FGF12: variants seen among roughly 807,000 people sequenced by gnomAD.
FGF12 encodes the protein fibroblast growth factor 12B.
FGF12 carries 14 observed loss-of-function variants against 23.6 expected under a neutral mutation model. The ratio of observed to expected loss-of-function variants is 0.59; its 90% confidence interval spans 0.39 to 0.93. FGF12 has a LOEUF of 0.93. Ranked by LOEUF, FGF12 falls within the 40% of genes least tolerant of loss-of-function variation. The probability of loss-of-function intolerance (pLI) is 0.00; values close to 1 mark genes in which losing one functional copy is unlikely to be tolerated. For missense variants in FGF12, 175 were observed against 217.8 expected (o/e 0.80, Z 1.24); for synonymous variants, 62 against 77.3 (o/e 0.80, Z 1.04).
chr3:192,239,597 C>T (rs1034358841), intron 4 of FGF12, among the ~76,000 whole-genome samples: 2 of 152,194 alleles, frequency 1.3e-5, no homozygotes, highest in Non-Finnish European at 2.9e-5. Context: ...ACTGCCTGAG[C>T]TCTGCCTCTT....
At chr3:192,362,171 C>G (rs1444952588) in intron 2 of FGF12, among the ~76,000 whole-genome samples, 1 of 152,112 alleles carries the variant, frequency 6.6e-6, no homozygotes, top group African/African-American at 2.4e-5. Flanking sequence ...ATAGGCTCAT[C>G]TAATCCCACA....
At chr3:192,349,112 T>C (rs1428127390) in intron 3 of FGF12, among the ~76,000 whole-genome samples, 6 of 152,152 alleles carry the variant, frequency 3.9e-5, no homozygotes, top group Non-Finnish European at 5.9e-5. Flanking sequence ...TTATAATTTA[T>C]ACCTTATTTA....
intron 2 of FGF12, chr3:192,515,117 C>A (rs545128242): frequency 4.6e-5 from 7 of 152,408 alleles, no homozygotes; most frequent in African/African-American, 1.7e-4. Flanking sequence ...GTCCTTGGCA[C>A]CTCCCCTGCT....
At chr3:192,230,012 T>G (rs1718941423) in intron 4 of FGF12, among the ~76,000 whole-genome samples, 1 of 152,146 alleles carries the variant, frequency 6.6e-6, no homozygotes, top group African/African-American at 2.4e-5. Context: ...CGGAGCTTAT[T>G]ACCTAACATC....
intron 4 of FGF12, among the ~76,000 whole-genome samples, chr3:192,304,510 T>A (rs759927931): frequency 4.6e-5 from 7 of 152,042 alleles, no homozygotes; most frequent in Admixed American, 2.6e-4. Context: ...CTCTCCTGCA[T>A]AGAAAGGAAA....
intron 2 of FGF12, among the ~76,000 whole-genome samples, chr3:192,561,579 G>T (rs562214554): frequency 3.3e-5 from 5 of 152,068 alleles, no homozygotes; most frequent in East Asian, 1.9e-4. Context: ...AGCCAGGATA[G>T]TCTCGATCTC....
chr3:192,676,469 G>A (rs1717331063), intron 2 of FGF12, among the ~76,000 whole-genome samples: 1 of 152,146 alleles, frequency 6.6e-6, no homozygotes, highest in African/African-American at 2.4e-5. Context: ...CCTGTTTTGT[G>A]GTCCACAGTG....
intron 4 of FGF12, among the ~76,000 whole-genome samples, chr3:192,217,913 C>T (rs939149635): frequency 1.3e-5 from 2 of 151,580 alleles, no homozygotes; most frequent in Non-Finnish European, 2.9e-5. Context: ...CTCGGCTCAC[C>T]GCAACCTCTG....
At chr3:192,503,612 T>C (rs1724200239) in intron 2 of FGF12, among the ~76,000 whole-genome samples, 1 of 148,024 alleles carries the variant, frequency 6.8e-6, no homozygotes, top group South Asian at 2.2e-4. Context: ...TGTTTTTTTT[T>C]TTTTTTTTTG....
At chr3:192,642,377 G>A (rs779613569) in intron 2 of FGF12, among the ~76,000 whole-genome samples, 6 of 152,128 alleles carry the variant, frequency 3.9e-5, no homozygotes, top group African/African-American at 1.4e-4. Flanking sequence ...GTGCTCCTAA[G>A]AGAACAGCAC....
chr3:192,441,989 C>A (rs1722214703), intron 2 of FGF12, among the ~76,000 whole-genome samples: 1 of 152,176 alleles, frequency 6.6e-6, no homozygotes, highest in South Asian at 2.1e-4. Context: ...TTAATGCCAA[C>A]AATTGTACAT....
chr3:192,643,231 A>T (rs2108666957), intron 2 of FGF12, among the ~76,000 whole-genome samples: 1 of 151,494 alleles, frequency 6.6e-6, no homozygotes, highest in South Asian at 2.1e-4. Flanking sequence ...ATATATATCC[A>T]TTTATCTATC....
intron 2 of FGF12, among the ~76,000 whole-genome samples, chr3:192,411,413 C>T (rs947488511): frequency 1.3e-5 from 2 of 152,180 alleles, no homozygotes; most frequent in African/African-American, 2.4e-5. Context: ...GCACACATCC[C>T]CTGCAGCAGT....
intron 2 of FGF12, among the ~76,000 whole-genome samples, chr3:192,515,890 A>G (rs1166755309): frequency 2.0e-5 from 3 of 150,976 alleles, no homozygotes; most frequent in Non-Finnish European, 4.4e-5. Context: ...GCAATGAGTA[A>G]GCATGGGAAG....
intron 2 of FGF12, among the ~76,000 whole-genome samples, chr3:192,471,699 A>G (rs1016801987): frequency 6.6e-6 from 1 of 152,216 alleles, no homozygotes; most frequent in Non-Finnish European, 1.5e-5. Context: ...CTGCTCTCAA[A>G]GTGAGCTGGG....
intron 2 of FGF12, among the ~76,000 whole-genome samples, chr3:192,659,447 C>T (rs1037373317): frequency 1.7e-4 from 26 of 152,108 alleles, no homozygotes; most frequent in African/African-American, 5.3e-4. Flanking sequence ...AACCATCAGT[C>T]GCTCCCACTG....
chr3:192,726,608 T>C (rs1429449030), intron 2 of FGF12, among the ~76,000 whole-genome samples: 1 of 152,150 alleles, frequency 6.6e-6, no homozygotes, highest in Non-Finnish European at 1.5e-5. Flanking sequence ...CAAGCAGTAC[T>C]CCCATACACT....
Position 192,695,799 on chromosome 3 carries a change from C to T in FGF12, c.13+31382G>A, listed in dbSNP as rs138566523. Among the ~76,000 whole-genome samples the T allele has an allele frequency of 9.9e-4, 151 of 152,232 alleles. 1 individual carries two copies. In the East Asian group the frequency reaches 0.019, roughly 19 times the overall value. On this transcript the variant is annotated intron_variant, in intron 2 of 5. Transcript: ENST00000445105. The stretch of plus-strand genomic sequence containing the variant: ...GAGGATGAGGCACTCACTTTCTGCA[C>T]GTTTTATATCCTTAAGGGCTGGGTG...
intron 4 of FGF12, among the ~76,000 whole-genome samples, chr3:192,320,947 A>T (rs1716499577): frequency 6.6e-6 from 1 of 152,090 alleles, no homozygotes; most frequent in East Asian, 1.9e-4. Context: ...GAAGAAAATA[A>T]ATAATAAAGA....
Sources: gnomAD v4.1 joint callset for allele counts (sites outside exome capture counted in the v4.1 genomes callset) on GRCh38, gnomAD v4.1.1 for gene constraint, MANE v1.5 for transcripts, NCBI Gene and HGNC (gene_info 2026-07-23, HGNC 2026-07-21) for gene names.